The following DNAH6 variants were observed in gnomAD, a reference collection of about 807,000 sequenced individuals.
DNAH6 encodes dynein axonemal heavy chain 6, also known as axonemal beta dynein heavy chain 6.
In DNAH6, 340 loss-of-function variants were observed where a neutral mutation model predicts 491.4. The observed-to-expected ratio is 0.69, with a 90% confidence interval of 0.63 to 0.76. The LOEUF is 0.76. Among genes scored for constraint, DNAH6 ranks in the 30% least tolerant of loss-of-function variants. The pLI, the probability that DNAH6 is intolerant of heterozygous loss-of-function variation, is 0.00. For missense variants in DNAH6, 4,443 were observed against 4,972.2 expected (o/e 0.89, Z 3.20); for synonymous variants, 1,603 against 1,686.1 (o/e 0.95, Z 1.21).
At chr2:84,514,267 A>C (rs546175213), upstream of DNAH6, among the ~76,000 whole-genome samples, 361 of 152,322 alleles carry the variant, frequency 2.4e-3, 3 homozygotes, top group African/African-American at 8.3e-3. Flanking sequence ...GCTCAAATTC[A>C]TATAGAAATT....
intron 64 of DNAH6, chr2:84,777,889 G>A (rs1676301902): frequency 4.1e-6 from 5 of 1,233,322 alleles, no homozygotes; most frequent in Admixed American, 3.4e-5. Context: ...CATTAGGAAT[G>A]ATGAATTTAA....
At chr2:84,699,305 T>C (rs889025627) in intron 47 of DNAH6, among the ~76,000 whole-genome samples, 5 of 152,190 alleles carry the variant, frequency 3.3e-5, no homozygotes, top group Non-Finnish European at 7.3e-5. Context: ...AGCAAAACCT[T>C]GTATGAATGG....
At chr2:84,460,326 C>T in the DNAH6 span, among the ~76,000 whole-genome samples, 1 of 152,170 alleles carries the variant, frequency 6.6e-6, no homozygotes, top group Non-Finnish European at 1.5e-5. Flanking sequence ...CCTCATGGAT[C>T]ATGTTCTTGT....
chr2:84,622,133 C>T (rs1687455020), intron 26 of DNAH6, among the ~76,000 whole-genome samples: 1 of 152,150 alleles, frequency 6.6e-6, no homozygotes, highest in Non-Finnish European at 1.5e-5. Context: ...CCTGTAATCA[C>T]CACTCTTTTT....
intron 60 of DNAH6, among the ~76,000 whole-genome samples, chr2:84,725,482 T>C (rs2104946623): frequency 6.6e-6 from 1 of 152,326 alleles, no homozygotes; most frequent in East Asian, 1.9e-4. Context: ...CTTCCTTCAG[T>C]TGACAGGTAT....
At chr2:84,755,879 C>T (rs1004421886) in intron 63 of DNAH6, among the ~76,000 whole-genome samples, 18 of 152,122 alleles carry the variant, frequency 1.2e-4, no homozygotes, top group African/African-American at 4.3e-4. Context: ...AATTGAATCA[C>T]GGGAGCAAAT....
rs1421797778 is a variant in DNAH6, at chr2:84,549,870, AGTTT to A, written c.1317-18_1317-15del. 1.3e-6 allele frequency: 2 copies of A among 1,568,734 alleles called. No individual in the cohort carries two copies. The highest frequency in any genetic ancestry group is 1.2e-5 in the South Asian group (1 of 85,122). ...GAATATAAGAAACCGAAATTGTATT[AGTTT>A]TTTTTCTTTTCAAGCTTTATTCGTC... On this transcript the variant is annotated splice_polypyrimidine_tract_variant and intron_variant, in intron 8 of 76. Transcript: ENST00000389394.
chr2:84,777,989 G>C, intron 64 of DNAH6: 1 of 948,560 alleles, frequency 1.1e-6, no homozygotes, highest in Non-Finnish European at 1.7e-6. Context: ...CTTGGAATTT[G>C]CAGTTACATT....
chr2:84,688,326 C>A, intron 44 of DNAH6, 113 bp from the exon 45 acceptor site: 2 of 832,978 alleles, frequency 2.4e-6, no homozygotes, highest in East Asian at 3.3e-5. Context: ...AATTTTATTG[C>A]AAAGACCTTC....
chr2:84,597,435 C>T (rs993221630), intron 18 of DNAH6, among the ~76,000 whole-genome samples: 1 of 152,168 alleles, frequency 6.6e-6, no homozygotes, highest in Non-Finnish European at 1.5e-5. Flanking sequence ...TGGCTATGAT[C>T]AAAGAGACAG....
chr2:84,549,713 A>C (rs1000078043), intron 8 of DNAH6, among the ~76,000 whole-genome samples, 176 bp from the exon 9 acceptor site: 1 of 152,242 alleles, frequency 6.6e-6, no homozygotes, highest in African/African-American at 2.4e-5. Context: ...TAAAAGGAAG[A>C]ATATCTAAGG....
intron 63 of DNAH6, among the ~76,000 whole-genome samples, 184 bp from the exon 64 acceptor site, chr2:84,762,571 C>A (rs1254917797): frequency 6.6e-6 from 1 of 152,120 alleles, no homozygotes; most frequent in East Asian, 1.9e-4. Flanking sequence ...AGAACCATAG[C>A]TGTCCACAGA....
At chr2:84,564,281 T>G (rs140025985) in intron 11 of DNAH6, among the ~76,000 whole-genome samples, 1 of 152,208 alleles carries the variant, frequency 6.6e-6, no homozygotes, top group Non-Finnish European at 1.5e-5. Flanking sequence ...GTAAATTGCT[T>G]TGGGCATTAT....
At chr2:84,804,550 AT>A (rs1679237091) in intron 70 of DNAH6, among the ~76,000 whole-genome samples, 1 of 151,914 alleles carries the variant, frequency 6.6e-6, no homozygotes, top group South Asian at 2.1e-4. Context: ...TATCATGAAT[AT>A]TTTTTATTTA....
intron 63 of DNAH6, among the ~76,000 whole-genome samples, chr2:84,750,386 T>C (rs926082073): frequency 2.0e-5 from 3 of 152,088 alleles, no homozygotes; most frequent in Non-Finnish European, 4.4e-5. Flanking sequence ...GGTTTTGCCA[T>C]GTTACCCAGG....
chr2:84,603,833 G>T (rs933070048), intron 18 of DNAH6, among the ~76,000 whole-genome samples: 1 of 152,162 alleles, frequency 6.6e-6, no homozygotes, highest in African/African-American at 2.4e-5. Context: ...AGCTAAGGCA[G>T]ATAAATTTGT....
At chr2:84,805,525 C>T (rs1292270891) in intron 70 of DNAH6, 140 bp from the exon 71 acceptor site, 65 of 720,768 alleles carry the variant, frequency 9.0e-5, no homozygotes, top group Non-Finnish European at 1.3e-4. Flanking sequence ...GTTAATTGTT[C>T]TTACCACAAT....
intron 54 of DNAH6, among the ~76,000 whole-genome samples, chr2:84,708,580 GAGGA>G (rs1192030866): frequency 2.0e-5 from 3 of 149,010 alleles, no homozygotes; most frequent in East Asian, 3.9e-4. Flanking sequence ...GGGAAGGAAG[GAGGA>G]AGGAAGGAAA....
chr2:84,764,722 G>A (rs1001926200), intron 64 of DNAH6, among the ~76,000 whole-genome samples: 1 of 151,964 alleles, frequency 6.6e-6, no homozygotes, highest in African/African-American at 2.4e-5. Flanking sequence ...TTAAGATAAT[G>A]GCCTCCCACT....
Sources: allele counts gnomAD v4.1 joint callset (sites outside exome capture counted in the v4.1 genomes callset), GRCh38; gene constraint gnomAD v4.1.1; transcripts MANE v1.5; gene names NCBI Gene and HGNC (gene_info 2026-07-23, HGNC 2026-07-21).